Variants in FANCD2 observed in about 807,000 individuals in gnomAD.
FANCD2 encodes Fanconi anemia group D2 protein.
In FANCD2, 131 loss-of-function variants were observed where a neutral mutation model predicts 192.3. The observed-to-expected ratio is 0.68, with a 90% CI of 0.59 to 0.79. The LOEUF is 0.79. Ranked by LOEUF, FANCD2 falls within the 30% of genes least tolerant of loss-of-function variation. FANCD2 has a pLI of 0.00. For synonymous variants in FANCD2, 524 were observed against 612.5 expected (o/e 0.86, Z 2.13); for missense variants, 1,508 against 1,701.6 (o/e 0.89, Z 2.00).
At chr3:10,097,966 T>C (rs1452558443) in intron 42 of FANCD2, among the ~76,000 whole-genome samples, 3 of 149,424 alleles carry the variant, frequency 2.0e-5, no homozygotes, top group African/African-American at 7.6e-5. Flanking sequence ...ATCTCTAATT[T>C]TAACTAATGA....
intron 26 of FANCD2, among the ~76,000 whole-genome samples, chr3:10,071,890 G>T (rs1427480382): frequency 6.6e-6 from 1 of 152,058 alleles, no homozygotes; most frequent in Non-Finnish European, 1.5e-5. Context: ...CTCCTGAGTA[G>T]CCGGGACTAG....
At chr3:10,082,682 C>T (rs1258718582) in intron 32 of FANCD2, among the ~76,000 whole-genome samples, 1 of 152,314 alleles carries the variant, frequency 6.6e-6, no homozygotes, top group Non-Finnish European at 1.5e-5. Context: ...TGACTCATCA[C>T]ATCTCTTGAG....
rs1401803821 is a variant in FANCD2 at position 10,079,617 on chromosome 3, G to A, written c.2976+1420G>A. On this transcript the variant is annotated intron_variant, in intron 30 of 43. Transcript: ENST00000675286. ...CTGGGATTATAGGCGTGAGCACTGC[G>A]CCCAGCCTACGAAATGTATTTCTAA... 2.6e-5 allele frequency among the ~76,000 whole-genome samples: 4 copies of A among 151,930 alleles called. No individual in the cohort carries two copies. In the South Asian group the frequency reaches 6.2e-4, roughly 24 times the overall value.
chr3:10,049,536 T>C (rs1480730850), intron 17 of FANCD2, 31 bp downstream of exon 17: 11 of 1,588,572 alleles, frequency 6.9e-6, no homozygotes, highest in Admixed American at 3.3e-5. Flanking sequence ...ACTTTAGATA[T>C]TGAATACTAT....
At chr3:10,080,692 GC>G (rs1271841474) in intron 30 of FANCD2, among the ~76,000 whole-genome samples, 4 of 152,140 alleles carry the variant, frequency 2.6e-5, no homozygotes, top group Admixed American at 6.6e-5. Context: ...GATCACTTGA[GC>G]CCAGGAATTC....
intron 7 of FANCD2, among the ~76,000 whole-genome samples, chr3:10,036,621 G>A (rs930472367): frequency 1.3e-5 from 2 of 151,946 alleles, no homozygotes; most frequent in African/African-American, 4.8e-5. Flanking sequence ...GATTGCTTGA[G>A]TTCAGGAATT....
intron 2 of FANCD2, among the ~76,000 whole-genome samples, chr3:10,031,415 T>G (rs1292726377): frequency 6.7e-6 from 1 of 148,168 alleles, no homozygotes; most frequent in Non-Finnish European, 1.5e-5. Flanking sequence ...GGCAGGAGAA[T>G]GGCATGAACC....
chr3:10,049,620 A>G (rs1169340940), intron 17 of FANCD2, 115 bp downstream of exon 17: 7 of 1,026,302 alleles, frequency 6.8e-6, no homozygotes, highest in Admixed American at 1.8e-5. Context: ...TATTCTATCT[A>G]TGTGTTAATT....
chr3:10,057,163 C>T (rs1197216168), intron 18 of FANCD2, among the ~76,000 whole-genome samples: 6 of 152,024 alleles, frequency 3.9e-5, no homozygotes. Flanking sequence ...GCCCTTTGCC[C>T]ATTTTTAAAT....
chr3:10,078,385 C>T (rs868405562), intron 30 of FANCD2, among the ~76,000 whole-genome samples, 188 bp downstream of exon 30: 6 of 152,042 alleles, frequency 3.9e-5, no homozygotes, highest in Non-Finnish European at 5.9e-5. Context: ...GATGGAGTCT[C>T]GCTCTGTCGC....
chr3:10,029,777 CTTGTTG>C (rs373948218), intron 2 of FANCD2, among the ~76,000 whole-genome samples: 2 of 151,774 alleles, frequency 1.3e-5, no homozygotes, highest in African/African-American at 4.8e-5. Flanking sequence ...TTATATCATT[CTTGTTG>C]TTGTTGTTGT....
rs2086891589 is a variant in FANCD2, at chr3:10,042,551, ATT to A, written c.784-4_784-3del. On this transcript the variant is annotated splice_polypyrimidine_tract_variant and splice_region_variant and intron_variant, in intron 10 of 43. Transcript: ENST00000675286. Reference sequence around the variant, plus strand: ...AACCTATTAAGTTTCTGTGCTTTTAATTTTTAGGTTCGCCAGTTGGTGATGGA... The same window carrying A: ...AACCTATTAAGTTTCTGTGCTTTTAATTTAGGTTCGCCAGTTGGTGATGGA... 2 of 1,610,184 alleles carry A rather than the reference ATT, an allele frequency of 1.2e-6. No individual in the cohort carries two copies. The highest frequency in any genetic ancestry group is 1.7e-6 in the Non-Finnish European group (2 of 1,176,494).
At chr3:10,069,494 G>A (rs112453789) in intron 26 of FANCD2, among the ~76,000 whole-genome samples, 10 of 24,306 alleles carry the variant, frequency 4.1e-4, no homozygotes, top group Admixed American at 1.6e-3. Context: ...CCCCTCTCCC[G>A]TCTCCCTCTG....
At chr3:10,099,029 G>A in intron 43 of FANCD2, 1 of 1,610,464 alleles carries the variant, frequency 6.2e-7, no homozygotes, top group Middle Eastern at 1.7e-4. Context: ...AGTATCTCGA[G>A]TTGTGGCATT....
chr3:10,027,728 A>G (rs1575722029), intron 1 of FANCD2, among the ~76,000 whole-genome samples: 1 of 151,316 alleles, frequency 6.6e-6, no homozygotes, highest in Non-Finnish European at 1.5e-5. Flanking sequence ...ACACGGTGAA[A>G]CCCCGTCTCT....
At position 10,039,778 on chromosome 3, in the gene FANCD2, G is replaced by T; in HGVS notation, c.628G>T (p.Asp210Tyr). The T allele has an allele frequency of 1.2e-6, 2 of 1,613,932 alleles. No individual in the cohort carries two copies. The highest frequency in any genetic ancestry group is 1.1e-5 in the South Asian group (1 of 91,058). ...ISIAPENLQHDIITSLPEILG... is the reference protein window; with the variant it reads ...ISIAPENLQHYIITSLPEILG... ...TATTGCTCCAGAGAACCTGCAGCAT[G>T]ACATCATCACCAGCCTACCTGAGAT... Residue 210 changes from aspartate (D) to tyrosine (Y), a missense_variant, in exon 9 of 44, where the codon GAC becomes TAC. Asp to Tyr is a radical substitution (Grantham distance 160, BLOSUM62 -3). This residue lies in a region of FANCD2 where 435 missense variants were observed against 421.9 expected (regional missense o/e 1.03). Coordinates refer to ENST00000675286, the MANE Select transcript of FANCD2 (RefSeq NM_001018115.3).
rs55973240 is a variant in FANCD2 at position 10,035,158 on chromosome 3, C to CT, written c.378-5dup. ...GGAAAGCAAAGTGGAAAACAGATTT[C>CT]TTTTTTTTTTACAGTATGGGTGCAT... On this transcript the variant is annotated splice_polypyrimidine_tract_variant and intron_variant, in intron 5 of 43. Transcript: ENST00000675286. The CT allele has an allele frequency of 2.1e-3, 2,964 of 1,408,098 alleles. No homozygotes were observed. The highest frequency in any genetic ancestry group is 2.4e-3 in the Non-Finnish European group (2,488 of 1,024,276). The allele number at this position is 1,408,098 out of a possible 1,614,324, so 87.2% of individuals were successfully genotyped here.
intron 14 of FANCD2, among the ~76,000 whole-genome samples, chr3:10,046,211 A>G (rs759627996): frequency 1.3e-4 from 19 of 151,542 alleles, no homozygotes; most frequent in East Asian, 5.9e-4. Flanking sequence ...ATGCTGCCAC[A>G]CCCGGCTAAT....
rs562901232 is a variant in FANCD2, at chr3:10,075,285, G to A, written c.2859+612G>A. ...TGCAAGCTCTGCCTCCCGGGTTCAC[G>A]CCATTCTGCTGCCTCAGCCTCCTGA... is the stretch of plus-strand genomic sequence containing the variant. On this transcript the variant is annotated intron_variant, in intron 29 of 43. Transcript: ENST00000675286. Among the ~76,000 whole-genome samples the A allele has an allele frequency of 8.1e-4, 122 of 151,436 alleles. 1 individual carries two copies. In the South Asian group the frequency reaches 8.1e-3, roughly 10 times the overall value.
Sources: gnomAD v4.1 joint callset for allele counts (sites outside exome capture counted in the v4.1 genomes callset) on GRCh38, gnomAD v4.1.1 for gene constraint, gnomAD v4.1.1 regional missense constraint, MANE v1.5 for transcripts, NCBI Gene and HGNC (gene_info 2026-07-23, HGNC 2026-07-21) for gene names.